GRM8: variants seen among roughly 807,000 people sequenced by gnomAD.
GRM8 encodes glutamate metabotropic receptor 8, also known as metabotropic glutamate receptor 8.
In GRM8, 47 loss-of-function variants were observed where a neutral mutation model predicts 87.2. That is an observed-to-expected ratio of 0.54 (90% CI 0.43 to 0.69). GRM8 has a LOEUF of 0.69. Among genes scored for constraint, GRM8 ranks in the 30% least tolerant of loss-of-function variants. The probability of loss-of-function intolerance (pLI) is 0.00; values close to 1 mark genes in which losing one functional copy is unlikely to be tolerated. For synonymous variants in GRM8, 396 were observed against 404.5 expected, an observed-to-expected ratio of 0.98 and a Z score of 0.25; for missense variants, 1,019 against 1,139.2, an observed-to-expected ratio of 0.89 and a Z score of 1.52.
chr7:126,928,872 GA>G lies in GRM8; in HGVS notation c.728-24190del, dbSNP rs879848928. Among the ~76,000 whole-genome samples, 54 of 150,882 alleles carry G rather than the reference GA, an allele frequency of 3.6e-4. No homozygotes were observed. The South Asian group carries it at 4.2e-3, about 12-fold the overall frequency. Reference sequence around the variant, plus strand: ...AAAAGAAAGTGTGAACACTTTTAGGGAAAAAAAAATACGTATTCAAGGGTGA... The same window carrying G: ...AAAAGAAAGTGTGAACACTTTTAGGGAAAAAAAATACGTATTCAAGGGTGA... On this transcript the variant is annotated intron_variant, in intron 3 of 10. Transcript: ENST00000339582.
intron 9 of GRM8, among the ~76,000 whole-genome samples, chr7:126,447,958 A>G (rs1003756139): frequency 2.6e-5 from 4 of 152,030 alleles, no homozygotes; most frequent in African/African-American, 9.7e-5. Context: ...CCAATGAAAT[A>G]GGGATGTGTA....
intron 3 of GRM8, among the ~76,000 whole-genome samples, chr7:126,923,999 G>A (rs929829900): frequency 6.6e-6 from 1 of 152,120 alleles, no homozygotes; most frequent in Non-Finnish European, 1.5e-5. Context: ...TAGACACTGA[G>A]GCTCTGGAAT....
intron 8 of GRM8, among the ~76,000 whole-genome samples, chr7:126,557,184 C>T (rs185537373): frequency 4.6e-5 from 7 of 152,134 alleles, no homozygotes; most frequent in South Asian, 2.1e-4. Context: ...GCCTTGCTGG[C>T]GATTTTCTCC....
At chr7:126,683,362 T>C (rs1270896220) in intron 7 of GRM8, among the ~76,000 whole-genome samples, 1 of 152,216 alleles carries the variant, frequency 6.6e-6, no homozygotes, top group Non-Finnish European at 1.5e-5. Context: ...GACTAACTCA[T>C]TCCCAATGAA....
chr7:126,923,255 G>A (rs1278781647), intron 3 of GRM8, among the ~76,000 whole-genome samples: 1 of 152,078 alleles, frequency 6.6e-6, no homozygotes, highest in Non-Finnish European at 1.5e-5. Flanking sequence ...ACAAAATCCA[G>A]AAAACAACCT....
intron 3 of GRM8, among the ~76,000 whole-genome samples, chr7:126,926,072 G>T (rs1460442140): frequency 6.6e-6 from 1 of 151,960 alleles, no homozygotes; most frequent in Non-Finnish European, 1.5e-5. Flanking sequence ...TAGCAGACTT[G>T]CCAATATTGA....
chr7:127,191,139 T>G (rs1795008067), intron 2 of GRM8, among the ~76,000 whole-genome samples: 1 of 152,206 alleles, frequency 6.6e-6, no homozygotes, highest in Non-Finnish European at 1.5e-5. Flanking sequence ...TTCCTAGATT[T>G]GTATTTCTCA....
At chr7:126,830,073 CT>C (rs1352495217) in intron 6 of GRM8, among the ~76,000 whole-genome samples, 3 of 152,212 alleles carry the variant, frequency 2.0e-5, no homozygotes, top group African/African-American at 7.2e-5. Flanking sequence ...GAGAGATCAG[CT>C]GTTAGTCTGA....
At chr7:126,784,600 T>C (rs934746416) in intron 6 of GRM8, among the ~76,000 whole-genome samples, 3 of 152,192 alleles carry the variant, frequency 2.0e-5, no homozygotes, top group East Asian at 1.9e-4. Context: ...CGTTCCTAAA[T>C]AGCCTTCTTC....
At chr7:126,974,443 G>A (rs761234622) in intron 3 of GRM8, among the ~76,000 whole-genome samples, 5 of 147,976 alleles carry the variant, frequency 3.4e-5, no homozygotes, top group Non-Finnish European at 6.0e-5. Context: ...ATAACATCAC[G>A]TTGTAAGCCT....
chr7:126,902,615 T>A lies in GRM8; in HGVS notation c.1083A>T (p.Glu361Asp). ...TGCAGCCAAAATTCTCCTCCCAGAA[T>A]TCTGCAAACCACACATTTCTTCGAT... is the stretch of plus-strand genomic sequence containing the variant. The part of the protein sequence containing the change: ...ANNRRNVWFA[E>D]FWEENFGCKL... The change falls in exon 6 of 11, where the codon GAA becomes GAT. Residue 361 changes from glutamate to aspartate, a missense_variant. Physicochemically the swap from Glu to Asp is conservative, Grantham distance 45. Coordinates refer to ENST00000339582, the MANE Select transcript of GRM8 (RefSeq NM_000845.3). 3.7e-6 allele frequency: 6 copies of A among 1,611,326 alleles called. No homozygotes were observed. The highest frequency in any genetic ancestry group is 5.1e-6 in the Non-Finnish European group (6 of 1,178,266).
chr7:126,490,819 T>A (rs1807918823), intron 9 of GRM8, among the ~76,000 whole-genome samples: 1 of 152,118 alleles, frequency 6.6e-6, no homozygotes, highest in African/African-American at 2.4e-5. Flanking sequence ...TGTAGACTTT[T>A]CATATAGGTG....
intron 9 of GRM8, among the ~76,000 whole-genome samples, chr7:126,472,802 C>T (rs900426080): frequency 4.6e-5 from 7 of 152,182 alleles, no homozygotes; most frequent in Non-Finnish European, 8.8e-5. Context: ...CCTACTGCTT[C>T]GTGCAGTCTC....
chr7:127,011,313 T>C (rs924848085), intron 3 of GRM8, among the ~76,000 whole-genome samples: 17 of 152,162 alleles, frequency 1.1e-4, no homozygotes, highest in Non-Finnish European at 2.4e-4. Flanking sequence ...CTGTGGTAAC[T>C]TGAACATATG....
chr7:126,570,391 T>C (rs981861252), intron 8 of GRM8, among the ~76,000 whole-genome samples: 2 of 152,180 alleles, frequency 1.3e-5, no homozygotes, highest in Non-Finnish European at 2.9e-5. Flanking sequence ...TCTTAAATTA[T>C]AACTTTAGGG....
At chr7:127,021,377 A>C (rs1816249656) in intron 3 of GRM8, among the ~76,000 whole-genome samples, 1 of 142,492 alleles carries the variant, frequency 7.0e-6, no homozygotes, top group South Asian at 2.3e-4. Context: ...CAGAAATATA[A>C]TAAGCCCAAG....
chr7:126,657,434 AC>A (rs1200616124), intron 7 of GRM8, among the ~76,000 whole-genome samples: 3 of 152,182 alleles, frequency 2.0e-5, no homozygotes, highest in Admixed American at 1.3e-4. Flanking sequence ...CAAAAAAGTC[AC>A]ATACAATTCC....
chr7:127,057,033 T>C (rs1820066863), intron 3 of GRM8, among the ~76,000 whole-genome samples: 1 of 152,124 alleles, frequency 6.6e-6, no homozygotes, highest in Admixed American at 6.5e-5. Context: ...CAAAGCTACA[T>C]ATGAGTGAAA....
At chr7:126,871,864 GTTAAA>G (rs779339735) in intron 6 of GRM8, among the ~76,000 whole-genome samples, 7 of 152,168 alleles carry the variant, frequency 4.6e-5, no homozygotes, top group Admixed American at 2.6e-4. Flanking sequence ...TACTAGAACT[GTTAAA>G]TTAAAAGCAA....
Sources: gnomAD v4.1 joint callset for allele counts (sites outside exome capture counted in the v4.1 genomes callset) on GRCh38, gnomAD v4.1.1 for gene constraint, MANE v1.5 for transcripts, NCBI Gene and HGNC (gene_info 2026-07-23, HGNC 2026-07-21) for gene names.